Variants in VWA2 observed in about 807,000 individuals in gnomAD.
VWA2 encodes the protein von Willebrand factor A domain-containing protein 2.
Under a neutral mutation model 70.4 loss-of-function variants are expected in VWA2, and 73 were observed. The ratio of observed to expected loss-of-function variants is 1.04; its 90% CI spans 0.86 to 1.26. VWA2 has a LOEUF of 1.26. Among genes scored for constraint, VWA2 ranks in the 50% most tolerant of loss-of-function variants. VWA2 has a pLI of 0.00. For synonymous variants in VWA2, 407 were observed against 423.3 expected, an observed-to-expected ratio of 0.96 and a Z score of 0.47; for missense variants, 1,011 against 998.5, an observed-to-expected ratio of 1.01 and a Z score of -0.17.
At chr10:114,249,110 T>C (rs1285222372) in intron 2 of VWA2, among the ~76,000 whole-genome samples, 2 of 152,100 alleles carry the variant, frequency 1.3e-5, no homozygotes, top group African/African-American at 4.8e-5. Flanking sequence ...GCTGCACCTA[T>C]CAACCCATCA....
intron 7 of VWA2, 139 bp from the exon 8 acceptor site, chr10:114,278,580 C>A (rs2037905985): frequency 5.6e-6 from 7 of 1,261,232 alleles, no homozygotes; most frequent in Non-Finnish European, 7.7e-6. Flanking sequence ...ATGCCCTGAC[C>A]TGAGAGAGCA....
intron 9 of VWA2, 35 bp from the exon 10 acceptor site, chr10:114,284,828 C>T (rs10787521): frequency 0.31 from 486,485 of 1,565,320 alleles, 79,070 homozygotes; most frequent in African/African-American, 0.47. Flanking sequence ...CTCTGTGCTG[C>T]GGTGCTTAGC....
chr10:114,283,421 A>G (rs968400701), intron 9 of VWA2, among the ~76,000 whole-genome samples: 4 of 152,012 alleles, frequency 2.6e-5, no homozygotes, highest in Non-Finnish European at 5.9e-5. Flanking sequence ...GAGTGTCCCT[A>G]TTTGGGGTTA....
At chr10:114,246,037 ACT>A (rs2037060346) in intron 1 of VWA2, 2 of 616,150 alleles carry the variant, frequency 3.2e-6, no homozygotes, top group South Asian at 2.8e-5. Context: ...CAGGAGGACC[ACT>A]CTCTGTGGCA....
chr10:114,246,330 G>A (rs779907315), intron 1 of VWA2: 11 of 571,204 alleles, frequency 1.9e-5, no homozygotes, highest in Admixed American at 8.4e-5. Context: ...GTGAAACCCC[G>A]TCTCTACTAA....
chr10:114,285,953 C>T lies in VWA2; in HGVS notation c.1012C>T (p.Leu338=). The T allele has an allele frequency of 1.9e-6, 3 of 1,597,570 alleles. No individual in the cohort carries two copies. The highest frequency in any genetic ancestry group is 2.6e-6 in the Non-Finnish European group (3 of 1,168,492). Reference sequence around the variant, plus strand: ...GATCCCCGCAGCCCTGAAGCTGAGCCTGGAATGCAGGGTCGACCTCCTCTT... The same window carrying T: ...GATCCCCGCAGCCCTGAAGCTGAGCTTGGAATGCAGGGTCGACCTCCTCTT... ...GEANCALKLS[L]ECRVDLLFLL... is the part of the protein sequence containing the mutation. The change falls in exon 11 of 14, where the codon CTG becomes TTG. Residue 338 remains leucine (L), a synonymous_variant. Transcript: ENST00000392982.
At chr10:114,282,658 G>A in intron 9 of VWA2, 87 bp downstream of exon 9, 1 of 1,223,306 alleles carries the variant, frequency 8.2e-7, no homozygotes, top group Non-Finnish European at 1.2e-6. Flanking sequence ...TCCTGGGACA[G>A]AGGGTGGGGT....
Position 114,286,102 on chromosome 10 carries a change from C to T in VWA2, c.1161C>T (p.Tyr387=), listed in dbSNP as rs2038849153. 1 of 1,614,162 alleles carries T rather than the reference C, an allele frequency of 6.2e-7. No homozygotes were observed. The highest frequency in any genetic ancestry group is 1.3e-5 in the African/African-American group (1 of 75,076). Residue 387 remains tyrosine, a synonymous_variant, in exon 11 of 14, where the codon TAC becomes TAT. Coordinates refer to ENST00000392982, the MANE Select transcript of VWA2 (RefSeq NM_001272046.2). ...GGGCCCGAGTGGGTGTGGCCACATA[C>T]AGCAGGGAGCTGCTGGTGGCGGTGC... ...DSRARVGVAT[Y]SRELLVAVPV...
intron 2 of VWA2, among the ~76,000 whole-genome samples, chr10:114,251,974 T>C (rs1350304787): frequency 1.3e-5 from 2 of 151,878 alleles, no homozygotes; most frequent in Non-Finnish European, 2.9e-5. Context: ...ACCCAGCTAA[T>C]TTTTGTGTTT....
chr10:114,270,477 T>C (rs1444642166), intron 5 of VWA2, among the ~76,000 whole-genome samples: 1 of 152,170 alleles, frequency 6.6e-6, no homozygotes, highest in Admixed American at 6.5e-5. Flanking sequence ...CTGAGTGGGG[T>C]TTCCTCATTT....
chr10:114,258,998 A>G (rs1413021656), intron 4 of VWA2, among the ~76,000 whole-genome samples: 1 of 152,234 alleles, frequency 6.6e-6, no homozygotes, highest in Non-Finnish European at 1.5e-5. Context: ...TGCTGTTACA[A>G]ATAAACTGTG....
At chr10:114,288,440 G>C (rs939589095) in intron 11 of VWA2, among the ~76,000 whole-genome samples, 2 of 152,268 alleles carry the variant, frequency 1.3e-5, no homozygotes, top group Non-Finnish European at 2.9e-5. Flanking sequence ...TGAAGGCACA[G>C]GTGAAGATGT....
intron 5 of VWA2, among the ~76,000 whole-genome samples, chr10:114,263,861 A>G (rs1002441919): frequency 1.3e-5 from 2 of 152,242 alleles, no homozygotes; most frequent in Admixed American, 6.5e-5. Flanking sequence ...TTGTAAGTAG[A>G]CATTGTTCCA....
intron 8 of VWA2, among the ~76,000 whole-genome samples, chr10:114,280,434 G>A (rs756505627): frequency 3.3e-5 from 5 of 152,210 alleles, no homozygotes; most frequent in Non-Finnish European, 7.3e-5. Context: ...GATGCGGTGG[G>A]GTAGGCGGGG....
intron 9 of VWA2, 60 bp downstream of exon 9, chr10:114,282,631 T>C: frequency 6.7e-7 from 1 of 1,489,562 alleles, no homozygotes; most frequent in Non-Finnish European, 9.4e-7. Flanking sequence ...GGCTGCTTTG[T>C]AAAGTGGCTT....
intron 3 of VWA2, 102 bp downstream of exon 3, chr10:114,253,827 C>T (rs2037260669): frequency 8.8e-6 from 10 of 1,136,184 alleles, no homozygotes; most frequent in Middle Eastern, 2.6e-4. Context: ...GCCCCTTTCC[C>T]ATCTTCCTTT....
intron 8 of VWA2, 118 bp downstream of exon 8, chr10:114,278,969 A>AC: frequency 6.8e-7 from 1 of 1,478,276 alleles, no homozygotes; most frequent in South Asian, 1.3e-5. Flanking sequence ...ATCGAAGGAG[A>AC]CCTGGGAGGG....
Position 114,264,556 on chromosome 10 carries a change from T to C in VWA2, c.371+3261T>C, listed in dbSNP as rs538255419. ...CCTCAGCCTCCCAAGTAGCTGGGAC[T>C]GTGGGTGCCCGCCACCACGCCCGGC... is the stretch of plus-strand genomic sequence containing the variant. On this transcript the variant is annotated intron_variant, in intron 5 of 13. Transcript: ENST00000392982. 2.0e-5 allele frequency among the ~76,000 whole-genome samples: 3 copies of C among 152,128 alleles called. No individual in the cohort carries two copies. In the South Asian group the frequency reaches 6.2e-4, roughly 32 times the overall value.
intron 2 of VWA2, among the ~76,000 whole-genome samples, chr10:114,252,576 TC>T (rs2037220683): frequency 6.6e-6 from 1 of 152,070 alleles, no homozygotes; most frequent in African/African-American, 2.4e-5. Flanking sequence ...GTCATCACTT[TC>T]CTGGCAGTTG....
Sources: gnomAD v4.1 joint callset for allele counts (sites outside exome capture counted in the v4.1 genomes callset) on GRCh38, gnomAD v4.1.1 for gene constraint, MANE v1.5 for transcripts, NCBI Gene and HGNC (gene_info 2026-07-23, HGNC 2026-07-21) for gene names.